Variants in PLXDC2 observed in about 807,000 individuals in gnomAD.
The protein encoded by PLXDC2 is plexin domain containing 2, also known as plexin domain-containing protein 2.
PLXDC2 carries 40 observed loss-of-function variants against 68.9 expected under a neutral mutation model. The ratio of observed to expected loss-of-function variants is 0.58; its 90% CI spans 0.45 to 0.76. The LOEUF (loss-of-function observed/expected upper bound fraction) is 0.76, where lower values mean the gene tolerates loss of function less well. Among genes scored for constraint, PLXDC2 ranks in the 30% least tolerant of loss-of-function variants. The pLI, the probability that PLXDC2 is intolerant of heterozygous loss-of-function variation, is 0.00. For missense variants in PLXDC2, 644 were observed against 661.9 expected, an observed-to-expected ratio of 0.97 and a Z score of 0.30; for synonymous variants, 243 against 234.2, an observed-to-expected ratio of 1.04 and a Z score of -0.34.
At chr10:19,931,269 C>T (rs1833627557) in intron 1 of PLXDC2, among the ~76,000 whole-genome samples, 1 of 152,220 alleles carries the variant, frequency 6.6e-6, no homozygotes, top group Admixed American at 6.5e-5. Context: ...TTCTCCTTTT[C>T]AGCTTCCAGT....
In PLXDC2 at chr10:20,285,525, A is replaced by G. The variant is rs1836141744; in HGVS notation, c.*5706A>G. The G allele has an allele frequency of 6.6e-6, 1 of 152,190 alleles. No individual in the cohort carries two copies. The highest frequency in any genetic ancestry group is 2.4e-5 in the African/African-American group (1 of 41,464). The allele number at this position is 152,190 out of a possible 1,614,324, so 9.4% of individuals were successfully genotyped here. The stretch of plus-strand genomic sequence containing the variant: ...GAACTAGAAACTGTTTGCCTGAAGA[A>G]TGTGTCTGAAACATAATATATCACT... On this transcript the variant is annotated 3_prime_UTR_variant, in exon 14 of 14. Coordinates refer to ENST00000377252, the MANE Select transcript of PLXDC2 (RefSeq NM_032812.9).
intron 4 of PLXDC2, among the ~76,000 whole-genome samples, chr10:20,115,363 A>G (rs1015152929): frequency 2.6e-5 from 4 of 152,198 alleles, no homozygotes; most frequent in African/African-American, 9.6e-5. Context: ...CTAAGGCCAG[A>G]AATAAGTAGC....
chr10:20,185,154 T>C (rs1038519418), intron 9 of PLXDC2, among the ~76,000 whole-genome samples: 2 of 66,680 alleles, frequency 3.0e-5, no homozygotes, highest in African/African-American at 6.3e-5. Flanking sequence ...ATCCCAGAAC[T>C]GAAAGGAAAA....
At chr10:19,920,764 C>T (rs972752785) in intron 1 of PLXDC2, among the ~76,000 whole-genome samples, 3 of 152,048 alleles carry the variant, frequency 2.0e-5, no homozygotes, top group Non-Finnish European at 4.4e-5. Context: ...CGCCTTGTTG[C>T]CCAGGCTGTT....
intron 1 of PLXDC2, among the ~76,000 whole-genome samples, chr10:19,819,031 TAC>T (rs63295361): frequency 0.35 from 51,972 of 147,680 alleles, 9,027 homozygotes; most frequent in Middle Eastern, 0.4. Context: ...AATATATGTA[TAC>T]ACACACACAC....
intron 4 of PLXDC2, among the ~76,000 whole-genome samples, chr10:20,115,027 T>C (rs1055714769): frequency 8.5e-5 from 13 of 152,212 alleles, no homozygotes; most frequent in Admixed American, 2.0e-4. Context: ...CAATGCAATT[T>C]TTTTTTACCA....
chr10:19,816,912 C>T lies in PLXDC2; in HGVS notation c.-168C>T, dbSNP rs1836353302. 3.3e-6 allele frequency: 2 copies of T among 605,452 alleles called. No homozygotes were observed. Among genetic ancestry groups the T allele is most frequent in the Admixed American group, 6.0e-5 (2 of 33,502 alleles). 37.5% of individuals were successfully genotyped at this position (605,452 alleles called of 1,614,324 possible). On this transcript the variant is annotated 5_prime_UTR_variant, in exon 1 of 14. Coordinates refer to ENST00000377252, the MANE Select transcript of PLXDC2 (RefSeq NM_032812.9). The stretch of plus-strand genomic sequence containing the variant: ...GCTGCGCTCCTACTCGCGTTCGCTT[C>T]TTCCTCTTCTCGGTTCCCTACTGTG...
chr10:20,206,787 C>T (rs921366899), intron 9 of PLXDC2, among the ~76,000 whole-genome samples: 3 of 151,610 alleles, frequency 2.0e-5, no homozygotes, highest in South Asian at 2.1e-4. Flanking sequence ...TGTGAATCAC[C>T]GTTAAAAATG....
At chr10:20,164,338 C>G (rs1042581461) in intron 6 of PLXDC2, 130 bp from the exon 7 acceptor site, 1 of 735,294 alleles carries the variant, frequency 1.4e-6, no homozygotes, top group African/African-American at 1.8e-5. Context: ...TTTCTAATAC[C>G]TTTGACTCCC....
chr10:20,103,631 C>G (rs1589630739), intron 4 of PLXDC2, among the ~76,000 whole-genome samples: 1 of 139,872 alleles, frequency 7.1e-6, no homozygotes, highest in African/African-American at 2.9e-5. Context: ...GAAGACACAT[C>G]TTTTCTTTTT....
At chr10:20,218,819 G>A (rs1187008919) in intron 11 of PLXDC2, among the ~76,000 whole-genome samples, 1 of 152,052 alleles carries the variant, frequency 6.6e-6, no homozygotes, top group Non-Finnish European at 1.5e-5. Context: ...TACTTTTCTT[G>A]TAGAACTTAA....
chr10:19,820,341 T>C (rs974243857), intron 1 of PLXDC2, among the ~76,000 whole-genome samples: 3 of 152,008 alleles, frequency 2.0e-5, no homozygotes, highest in African/African-American at 7.2e-5. Context: ...ATGTAGAAAA[T>C]ATGTGTCCGG....
chr10:20,048,917 G>A (rs1369094251), intron 3 of PLXDC2, among the ~76,000 whole-genome samples: 2 of 152,082 alleles, frequency 1.3e-5, no homozygotes, highest in African/African-American at 2.4e-5. Context: ...TGGCAGTGAC[G>A]TTGTTGCTTT....
chr10:20,127,980 G>A (rs868033409), intron 4 of PLXDC2, among the ~76,000 whole-genome samples: 5 of 152,204 alleles, frequency 3.3e-5, no homozygotes, highest in Non-Finnish European at 7.3e-5. Context: ...AGCTGTTCTA[G>A]ACAGTATCTA....
At chr10:20,250,613 AC>A (rs2119346085) in intron 13 of PLXDC2, among the ~76,000 whole-genome samples, 1 of 152,252 alleles carries the variant, frequency 6.6e-6, no homozygotes, top group East Asian at 1.9e-4. Flanking sequence ...AGGCTCTCCA[AC>A]TCCAGAGACT....
intron 1 of PLXDC2, among the ~76,000 whole-genome samples, chr10:19,844,920 T>A (rs955315161): frequency 4.6e-5 from 7 of 152,168 alleles, no homozygotes; most frequent in African/African-American, 1.7e-4. Flanking sequence ...ATGGCCAAAA[T>A]TCACAGGGTA....
At chr10:20,030,195 AAAAC>A (rs61347435) in intron 2 of PLXDC2, among the ~76,000 whole-genome samples, 2 of 151,138 alleles carry the variant, frequency 1.3e-5, no homozygotes, top group African/African-American at 4.9e-5. Flanking sequence ...GCTCAGGAAC[AAAAC>A]AAACAAACAA....
chr10:20,282,455 G>A lies in PLXDC2; in HGVS notation c.*2636G>A, dbSNP rs1480390913. The A allele has an allele frequency of 1.3e-5, 2 of 152,112 alleles. No individual in the cohort carries two copies. Among genetic ancestry groups the A allele is most frequent in the Non-Finnish European group, 2.9e-5 (2 of 68,008 alleles). The allele number at this position is 152,112 out of a possible 1,614,324, so 9.4% of individuals were successfully genotyped here. A position where few individuals can be genotyped will look rare whatever the true frequency, so the allele number is the denominator to read the frequency against. Reference sequence around the variant, plus strand: ...TGAACATAATAGAATAACAAAAAAAGATAACAAAGAGATGCAAACTTCTGG... The same window carrying A: ...TGAACATAATAGAATAACAAAAAAAAATAACAAAGAGATGCAAACTTCTGG... On this transcript the variant is annotated 3_prime_UTR_variant, in exon 14 of 14. Coordinates refer to ENST00000377252, the MANE Select transcript of PLXDC2 (RefSeq NM_032812.9).
chr10:19,943,319 G>T (rs73603677), intron 1 of PLXDC2, among the ~76,000 whole-genome samples: 2 of 151,800 alleles, frequency 1.3e-5, no homozygotes, highest in South Asian at 4.2e-4. Context: ...AGTAATAGAT[G>T]CTAAATTTAA....
Sources: allele counts gnomAD v4.1 joint callset (sites outside exome capture counted in the v4.1 genomes callset), GRCh38; gene constraint gnomAD v4.1.1; transcripts MANE v1.5; gene names NCBI Gene and HGNC (gene_info 2026-07-23, HGNC 2026-07-21).